SDK1: variants seen among roughly 807,000 people sequenced by gnomAD.
SDK1 encodes the protein sidekick cell adhesion molecule 1, also known as protein sidekick-1.
SDK1 carries 157 observed loss-of-function variants against 245.5 expected under a neutral mutation model. That is an observed-to-expected ratio of 0.64 (90% CI 0.56 to 0.73). The LOEUF (loss-of-function observed/expected upper bound fraction) is 0.73. SDK1 is among the 30% of genes least tolerant of loss of function. SDK1 has a pLI of 0.00. For synonymous variants in SDK1, 1,647 were observed against 1,278.5 expected (o/e 1.29, Z -6.15); for missense variants, 3,583 against 3,002.3 (o/e 1.19, Z -4.52).
At chr7:4,187,875 T>C (rs1215486950) in intron 35 of SDK1, among the ~76,000 whole-genome samples, 1 of 152,218 alleles carries the variant, frequency 6.6e-6, no homozygotes, top group Non-Finnish European at 1.5e-5. Context: ...GTTTTCATGC[T>C]GCTGATAAAG....
chr7:3,488,600 C>G (rs548920218), intron 1 of SDK1, among the ~76,000 whole-genome samples: 2 of 152,266 alleles, frequency 1.3e-5, no homozygotes, highest in East Asian at 3.9e-4. Flanking sequence ...GTTGAAGTCC[C>G]TTACAATGCT....
At chr7:3,651,109 G>C (rs184769909) in intron 4 of SDK1, among the ~76,000 whole-genome samples, 2 of 146,798 alleles carry the variant, frequency 1.4e-5, no homozygotes, top group Admixed American at 1.4e-4. Context: ...GGGCTGTATG[G>C]TATTTGCATG....
At chr7:3,881,661 T>G (rs1466634251) in intron 5 of SDK1, among the ~76,000 whole-genome samples, 1 of 152,202 alleles carries the variant, frequency 6.6e-6, no homozygotes, top group East Asian at 1.9e-4. Context: ...TATTTCTGCT[T>G]CTAGATCTTT....
intron 44 of SDK1, among the ~76,000 whole-genome samples, chr7:4,247,873 A>C (rs1786998215): frequency 6.6e-6 from 1 of 152,022 alleles, no homozygotes; most frequent in Non-Finnish European, 1.5e-5. Context: ...AGCTCAGTGT[A>C]CCCCTTCCCT....
At chr7:3,486,376 A>T (rs1583932648) in intron 1 of SDK1, among the ~76,000 whole-genome samples, 2 of 151,998 alleles carry the variant, frequency 1.3e-5, no homozygotes, top group African/African-American at 4.8e-5. Flanking sequence ...TGGGTTTCAA[A>T]TGTGCTGGTA....
At chr7:4,181,925 T>G (rs1235804705) in intron 35 of SDK1, among the ~76,000 whole-genome samples, 1 of 152,098 alleles carries the variant, frequency 6.6e-6, no homozygotes, top group African/African-American at 2.4e-5. Flanking sequence ...ATGCATCTTT[T>G]TTTTCTTTTT....
chr7:3,977,675 C>T (rs942539587), intron 13 of SDK1, among the ~76,000 whole-genome samples: 1 of 152,240 alleles, frequency 6.6e-6, no homozygotes, highest in Non-Finnish European at 1.5e-5. Context: ...GCAGTTCTTC[C>T]CTGCGCGCAG....
chr7:3,516,881 G>GA (rs34164934), intron 1 of SDK1, among the ~76,000 whole-genome samples: 1 of 152,128 alleles, frequency 6.6e-6, no homozygotes, highest in Admixed American at 6.5e-5. Context: ...TTGGGGACAT[G>GA]AAAAAGTGCT....
chr7:4,134,473 A>G (rs1778917957), intron 28 of SDK1, among the ~76,000 whole-genome samples: 1 of 152,194 alleles, frequency 6.6e-6, no homozygotes, highest in Non-Finnish European at 1.5e-5. Flanking sequence ...CCACCCAGGC[A>G]GGCCCTAACC....
intron 4 of SDK1, among the ~76,000 whole-genome samples, chr7:3,796,611 G>A (rs533113435): frequency 1.3e-5 from 2 of 152,122 alleles, no homozygotes; most frequent in South Asian, 2.1e-4. Flanking sequence ...CATCTCCCTC[G>A]TGACCACCTT....
intron 4 of SDK1, among the ~76,000 whole-genome samples, chr7:3,703,835 T>C (rs1784808854): frequency 6.6e-6 from 1 of 152,210 alleles, no homozygotes; most frequent in Admixed American, 6.5e-5. Context: ...TTTTATTGTG[T>C]TTTTGTTTTG....
At chr7:4,139,725 G>C in intron 28 of SDK1, among the ~76,000 whole-genome samples, 1 of 144,444 alleles carries the variant, frequency 6.9e-6, no homozygotes, top group South Asian at 2.5e-4. Context: ...GTGTGTATGT[G>C]TGTGTGTGTG....
chr7:4,266,588 A>C lies in SDK1; in HGVS notation c.*1204A>C, dbSNP rs748555035. 12 of 985,252 alleles carry C rather than the reference A, an allele frequency of 1.2e-5. No homozygotes were observed. The highest frequency in any genetic ancestry group is 1.4e-5 in the Non-Finnish European group (12 of 829,794). The allele number at this position is 985,252 out of a possible 1,614,324, so 61.0% of individuals were successfully genotyped here. ...GGAAATGTTTCTTTTTTTTATTTAA[A>C]ATTGTCATTGTTTGGTTTAAATTTT... On this transcript the variant is annotated 3_prime_UTR_variant, in exon 45 of 45. Coordinates refer to ENST00000404826, the MANE Select transcript of SDK1 (RefSeq NM_152744.4).
intron 1 of SDK1, among the ~76,000 whole-genome samples, chr7:3,477,254 G>T (rs552042051): frequency 1.5e-5 from 2 of 134,862 alleles, no homozygotes; most frequent in Admixed American, 1.6e-4. Flanking sequence ...GGAGTGCAGC[G>T]GCGCGATCTT....
At chr7:4,077,604 C>A (rs553108257) in intron 21 of SDK1, among the ~76,000 whole-genome samples, 1 of 152,172 alleles carries the variant, frequency 6.6e-6, no homozygotes, top group African/African-American at 2.4e-5. Flanking sequence ...ACTTACAGTT[C>A]CGTATGGTTG....
At chr7:3,503,476 T>A (rs563990187) in intron 1 of SDK1, among the ~76,000 whole-genome samples, 1 of 152,118 alleles carries the variant, frequency 6.6e-6, no homozygotes, top group African/African-American at 2.4e-5. Flanking sequence ...CCCAGGAGTT[T>A]GAGACCAGCC....
At chr7:3,893,263 T>C (rs1781506847) in intron 5 of SDK1, among the ~76,000 whole-genome samples, 1 of 152,034 alleles carries the variant, frequency 6.6e-6, no homozygotes, top group South Asian at 2.1e-4. Context: ...AGCAAAACAG[T>C]GATTAGGAAT....
chr7:3,974,649 C>A, intron 13 of SDK1, 104 bp downstream of exon 13: 1 of 1,114,972 alleles, frequency 9.0e-7, no homozygotes, highest in Non-Finnish European at 1.3e-6. Context: ...GCTTGTGTCC[C>A]AAGTCAGCGG....
intron 1 of SDK1, among the ~76,000 whole-genome samples, chr7:3,571,921 C>G (rs907652797): frequency 2.0e-5 from 3 of 152,072 alleles, no homozygotes; most frequent in African/African-American, 4.8e-5. Flanking sequence ...CTCATACTCT[C>G]TTTCCATCCC....
Sources: allele counts gnomAD v4.1 joint callset (sites outside exome capture counted in the v4.1 genomes callset), GRCh38; gene constraint gnomAD v4.1.1; transcripts MANE v1.5; gene names NCBI Gene and HGNC (gene_info 2026-07-23, HGNC 2026-07-21).